Variants in CAMK2D observed in about 807,000 individuals in gnomAD.
CAMK2D encodes calcium/calmodulin dependent protein kinase II delta, also known as calcium/calmodulin-dependent protein kinase type II subunit delta.
Under a neutral mutation model 84.0 loss-of-function variants are expected in CAMK2D, and 37 were observed. The observed-to-expected ratio is 0.44, with a 90% confidence interval of 0.34 to 0.58. The LOEUF is 0.58. CAMK2D is among the 20% of genes least tolerant of loss of function. The pLI is 0.02. For synonymous variants in CAMK2D, 202 were observed against 212.5 expected (o/e 0.95, Z 0.43); for missense variants, 448 against 652.5 (o/e 0.69, Z 3.41).
chr4:113,503,929 C>G (rs2098091332), intron 14 of CAMK2D, among the ~76,000 whole-genome samples: 1 of 152,098 alleles, frequency 6.6e-6, no homozygotes, highest in Admixed American at 6.6e-5. Context: ...ATGGACACTC[C>G]CCCACCACTA....
At chr4:113,688,373 TA>T (rs1351467141) in intron 2 of CAMK2D, among the ~76,000 whole-genome samples, 2 of 152,234 alleles carry the variant, frequency 1.3e-5, no homozygotes, top group Non-Finnish European at 2.9e-5. Context: ...TATGTGAAAA[TA>T]AAATAGCTTT....
intron 2 of CAMK2D, among the ~76,000 whole-genome samples, chr4:113,715,940 A>G (rs1387943534): frequency 6.6e-6 from 1 of 152,184 alleles, no homozygotes; most frequent in Non-Finnish European, 1.5e-5. Context: ...GCCTAATGCC[A>G]GAAACAGAGA....
chr4:113,536,708 T>C (rs527853590), intron 7 of CAMK2D, among the ~76,000 whole-genome samples: 3 of 152,226 alleles, frequency 2.0e-5, no homozygotes, highest in Non-Finnish European at 4.4e-5. Context: ...AAAACATAAG[T>C]CTGGTTAGAA....
chr4:113,572,183 G>C (rs781337335), intron 4 of CAMK2D, among the ~76,000 whole-genome samples: 1 of 151,926 alleles, frequency 6.6e-6, no homozygotes, highest in African/African-American at 2.4e-5. Flanking sequence ...TACTAAACCA[G>C]ACTAAACTGT....
intron 4 of CAMK2D, among the ~76,000 whole-genome samples, chr4:113,594,509 T>C (rs1032257539): frequency 6.6e-6 from 1 of 152,138 alleles, no homozygotes; most frequent in African/African-American, 2.4e-5. Context: ...ATGAAGGGCT[T>C]TAATGGAAAA....
chr4:113,629,925 T>C (rs557575333), intron 3 of CAMK2D, among the ~76,000 whole-genome samples: 7 of 152,004 alleles, frequency 4.6e-5, no homozygotes, highest in African/African-American at 1.4e-4. Flanking sequence ...AAAAAAAAAC[T>C]CTCTTCAGTG....
intron 3 of CAMK2D, among the ~76,000 whole-genome samples, chr4:113,616,358 TC>T (rs1247910022): frequency 6.6e-6 from 1 of 152,136 alleles, no homozygotes. Flanking sequence ...CCATCCTTAT[TC>T]CCAAATCCTC....
chr4:113,757,057 G>A (rs1035522240), intron 2 of CAMK2D, among the ~76,000 whole-genome samples: 2 of 152,058 alleles, frequency 1.3e-5, no homozygotes, highest in Non-Finnish European at 2.9e-5. Context: ...AACACCCCAT[G>A]AGACTCCATG....
chr4:113,746,507 A>G (rs1293969022), intron 2 of CAMK2D, among the ~76,000 whole-genome samples: 1 of 152,150 alleles, frequency 6.6e-6, no homozygotes, highest in Non-Finnish European at 1.5e-5. Flanking sequence ...AGGTAACCCA[A>G]TAATTGGTTC....
intron 2 of CAMK2D, chr4:113,754,258 A>T (rs1488237427): frequency 4.1e-6 from 4 of 977,038 alleles, no homozygotes; most frequent in Non-Finnish European, 4.9e-6. Flanking sequence ...CACCCTAATA[A>T]ATGGGGAAGA....
intron 2 of CAMK2D, chr4:113,753,953 C>T (rs1368544526): frequency 2.7e-5 from 26 of 978,646 alleles, no homozygotes; most frequent in Non-Finnish European, 3.2e-5. Flanking sequence ...ATTGTAATGC[C>T]ATTCATGTCT....
intron 16 of CAMK2D, among the ~76,000 whole-genome samples, chr4:113,491,805 G>A (rs2097847513): frequency 6.6e-6 from 1 of 151,942 alleles, no homozygotes; most frequent in Non-Finnish European, 1.5e-5. Context: ...ATTGATTATT[G>A]CCACAATTTC....
At chr4:113,494,683 C>A (rs534877730) in intron 16 of CAMK2D, among the ~76,000 whole-genome samples, 8 of 152,182 alleles carry the variant, frequency 5.3e-5, no homozygotes, top group South Asian at 2.1e-4. Flanking sequence ...TCGAGCTTCC[C>A]GGCTGCTTTG....
chr4:113,546,049 C>CA (rs2154194729), intron 6 of CAMK2D, among the ~76,000 whole-genome samples: 1 of 152,200 alleles, frequency 6.6e-6, no homozygotes, highest in East Asian at 1.9e-4. Context: ...TACGATTCCA[C>CA]AAAAAATATC....
intron 4 of CAMK2D, among the ~76,000 whole-genome samples, chr4:113,564,322 T>C (rs917450889): frequency 6.6e-6 from 1 of 152,200 alleles, no homozygotes; most frequent in East Asian, 1.9e-4. Flanking sequence ...GAACTTTGGT[T>C]AGTTGCCTAT....
intron 2 of CAMK2D, among the ~76,000 whole-genome samples, chr4:113,717,442 T>C (rs1331867233): frequency 1.3e-5 from 2 of 152,148 alleles, no homozygotes; most frequent in African/African-American, 4.8e-5. Flanking sequence ...TTTTATAGAA[T>C]GCTCATGATT....
intron 4 of CAMK2D, among the ~76,000 whole-genome samples, chr4:113,557,696 A>G (rs2098674304): frequency 6.6e-6 from 1 of 152,122 alleles, no homozygotes; most frequent in African/African-American, 2.4e-5. Flanking sequence ...AGGCTGGTTT[A>G]CTGAGTCAGA....
Position 113,504,962 on chromosome 4 carries a change from G to A in CAMK2D, c.1044+14C>T. On this transcript the variant is annotated intron_variant, in intron 14 of 20. Transcript: ENST00000511664. ...TAAAGAACTTAAGAAGGGTTACAAA[G>A]AGTCCAGGTATACCAGCGCTGGGGT... is the stretch of plus-strand genomic sequence containing the variant. 6.7e-7 allele frequency: 1 copy of A among 1,488,396 alleles called. No homozygotes were observed. Among genetic ancestry groups the A allele is most frequent in the South Asian group, 1.3e-5 (1 of 76,630 alleles). The allele number at this position is 1,488,396 out of a possible 1,614,324, so 92.2% of individuals were successfully genotyped here.
At chr4:113,636,945 C>A (rs2099112162) in intron 3 of CAMK2D, among the ~76,000 whole-genome samples, 1 of 152,146 alleles carries the variant, frequency 6.6e-6, no homozygotes, top group South Asian at 2.1e-4. Flanking sequence ...TCCCCTCACT[C>A]CACACCACAC....
Sources: allele counts gnomAD v4.1 joint callset (sites outside exome capture counted in the v4.1 genomes callset), GRCh38; gene constraint gnomAD v4.1.1; transcripts MANE v1.5; gene names NCBI Gene and HGNC (gene_info 2026-07-23, HGNC 2026-07-21).